ESYT2: variants seen among roughly 807,000 people sequenced by gnomAD.
ESYT2 encodes extended synaptotagmin 2.
A neutral mutation model predicts 107.2 loss-of-function variants in ESYT2; 54 were observed. The observed-to-expected ratio is 0.50, with a 90% confidence interval of 0.40 to 0.63. The LOEUF (loss-of-function observed/expected upper bound fraction) is 0.63, where lower values mean the gene tolerates loss of function less well. Among genes scored for constraint, ESYT2 ranks in the 30% least tolerant of loss-of-function variants. ESYT2 has a pLI of 0.00. For missense variants in ESYT2, 1,020 were observed against 1,094.5 expected, an observed-to-expected ratio of 0.93 and a Z score of 0.96; for synonymous variants, 491 against 434.1, an observed-to-expected ratio of 1.13 and a Z score of -1.63.
At chr7:158,739,179 C>A (rs1354125971) in intron 18 of ESYT2, 58 bp from the exon 19 acceptor site, 3 of 1,412,260 alleles carry the variant, frequency 2.1e-6, no homozygotes, top group Non-Finnish European at 3.0e-6. Flanking sequence ...CGTTGTGATT[C>A]ATTGGTCCAC....
chr7:158,737,310 T>C (rs940820207), intron 19 of ESYT2, 131 bp from the exon 20 acceptor site: 20 of 1,225,450 alleles, frequency 1.6e-5, no homozygotes, highest in Non-Finnish European at 2.2e-5. Flanking sequence ...AGGAACAGAA[T>C]GCGTGAGGCG....
chr7:158,732,911 C>T lies in ESYT2; in HGVS notation c.*1296G>A, dbSNP rs1836795054. 1 of 152,256 alleles carries T rather than the reference C, an allele frequency of 6.6e-6. No individual in the cohort carries two copies. Among genetic ancestry groups the T allele is most frequent in the South Asian group, 2.1e-4 (1 of 4,836 alleles). The allele number at this position is 152,256 out of a possible 1,614,324, so 9.4% of individuals were successfully genotyped here. On this transcript the variant is annotated 3_prime_UTR_variant, in exon 23 of 23. Transcript: ENST00000275418. ...TGTGCATTCTTTCTTTACAGACACACACAGCCTACGACACTGCAACAGAGC... is the reference window on the plus strand; with the variant it reads ...TGTGCATTCTTTCTTTACAGACACATACAGCCTACGACACTGCAACAGAGC...
At chr7:158,771,635 G>A (rs1563641485) in intron 7 of ESYT2, among the ~76,000 whole-genome samples, 1 of 152,178 alleles carries the variant, frequency 6.6e-6, no homozygotes, top group Non-Finnish European at 1.5e-5. Context: ...GCATGGGTGG[G>A]GAGCTGGCGA....
At chr7:158,820,808 A>T (rs1325532501) in intron 1 of ESYT2, among the ~76,000 whole-genome samples, 1 of 152,196 alleles carries the variant, frequency 6.6e-6, no homozygotes, top group African/African-American at 2.4e-5. Flanking sequence ...AATAAAAATA[A>T]TTGAAAAAAA....
Position 158,829,342 on chromosome 7 carries a change from C to T in ESYT2, c.77G>A (p.Gly26Glu). 2.1e-6 allele frequency: 3 copies of T among 1,441,076 alleles called. No homozygotes were observed. The highest frequency in any genetic ancestry group is 2.7e-6 in the Non-Finnish European group (3 of 1,103,270). The allele number at this position is 1,441,076 out of a possible 1,614,324, so 89.3% of individuals were successfully genotyped here. A position where few individuals can be genotyped will look rare whatever the true frequency, so the allele number is the denominator to read the frequency against. Residue 26 changes from glycine to glutamate, a missense_variant, in exon 1 of 23, where the codon GGG becomes GAG. Transcript: ENST00000275418. Reference protein sequence around the residue: ...AGGRAAPENPGGVLSVELPGL... With the variant: ...AGGRAAPENPEGVLSVELPGL... ...GGGCAGCTCCACGCTCAGCACGCCC[C>T]CGGGGTTCTCAGGCGCCGCGCGGCC...
At chr7:158,738,329 ACACACACACACACAGACAC>A (rs1837049348) in intron 19 of ESYT2, among the ~76,000 whole-genome samples, 1 of 84,778 alleles carries the variant, frequency 1.2e-5, no homozygotes, top group African/African-American at 4.8e-5. Flanking sequence ...AAAAAAAAAT[ACACACACACACACAGACAC>A]ACACACACAC....
chr7:158,739,965 TG>T (rs1245676106), intron 18 of ESYT2, among the ~76,000 whole-genome samples: 1 of 152,188 alleles, frequency 6.6e-6, no homozygotes, highest in Non-Finnish European at 1.5e-5. Context: ...CAGAATAAAC[TG>T]GGTTCTACCT....
chr7:158,769,126 C>G (rs1838267118), intron 7 of ESYT2, among the ~76,000 whole-genome samples: 1 of 152,154 alleles, frequency 6.6e-6, no homozygotes. Context: ...AAATAATGCC[C>G]AACCACCCAC....
At position 158,739,073 on chromosome 7, in the gene ESYT2, G is replaced by T. The variant is rs527990946; in HGVS notation, c.2217C>A (p.Ile739=). The T allele has an allele frequency of 1.5e-5, 24 of 1,614,158 alleles. No homozygotes were observed. The African/African-American group carries it at 2.9e-4, about 20-fold the overall frequency. Residue 739 remains isoleucine, a synonymous_variant, in exon 19 of 23, where the codon ATC becomes ATA. Transcript: ENST00000275418. ...QSPLGQIQLT[I]RHSSQRNKLI... is the part of the protein sequence containing the mutation. The stretch of plus-strand genomic sequence containing the variant: ...GCTTGTTTCTCTGCGAGCTGTGCCG[G>T]ATGGTCAGCTGGATCTGCCCCAGTG...
intron 7 of ESYT2, among the ~76,000 whole-genome samples, chr7:158,771,398 G>GCCCCCATT (rs1372418176): frequency 6.6e-6 from 1 of 152,236 alleles, no homozygotes; most frequent in African/African-American, 2.4e-5. Context: ...TTTGGGGGAT[G>GCCCCCATT]CCCCCATTCA....
intron 4 of ESYT2, among the ~76,000 whole-genome samples, chr7:158,791,849 G>C (rs1839302856): frequency 6.6e-6 from 1 of 152,192 alleles, no homozygotes; most frequent in African/African-American, 2.4e-5. Context: ...TGATTATAGG[G>C]ACTGCATTAA....
chr7:158,784,040 C>G (rs1223597595), intron 6 of ESYT2, among the ~76,000 whole-genome samples: 1 of 152,084 alleles, frequency 6.6e-6, no homozygotes, highest in Non-Finnish European at 1.5e-5. Context: ...AAAAGACCCG[C>G]CAAAGACACA....
intron 6 of ESYT2, among the ~76,000 whole-genome samples, chr7:158,776,876 A>G (rs1838584766): frequency 6.7e-6 from 1 of 149,754 alleles, no homozygotes; most frequent in Non-Finnish European, 1.5e-5. Flanking sequence ...TTTTTGAGAC[A>G]GAGTCTTGCT....
intron 6 of ESYT2, among the ~76,000 whole-genome samples, chr7:158,781,785 G>A (rs1418476657): frequency 1.3e-5 from 2 of 152,012 alleles, no homozygotes; most frequent in African/African-American, 2.4e-5. Context: ...GAGAACAAGT[G>A]TGAACGAGTG....
At position 158,731,536 on chromosome 7, in the gene ESYT2, A is replaced by C. The variant is rs1836752848; in HGVS notation, c.*2671T>G. 1 of 152,410 alleles carries C rather than the reference A, an allele frequency of 6.6e-6. No individual in the cohort carries two copies. The highest frequency in any genetic ancestry group is 2.4e-5 in the African/African-American group (1 of 41,408). The allele number at this position is 152,410 out of a possible 1,614,324, so 9.4% of individuals were successfully genotyped here. ...TGGCCAGGCTGGTCTTGAACTCCTG[A>C]CCTCAGGTCATCCGCCCGCCTCGGC... On this transcript the variant is annotated 3_prime_UTR_variant, in exon 23 of 23. Coordinates refer to ENST00000275418, the MANE Select transcript of ESYT2 (RefSeq NM_001367773.1).
chr7:158,796,160 A>G (rs1839451676), intron 3 of ESYT2, among the ~76,000 whole-genome samples: 1 of 152,158 alleles, frequency 6.6e-6, no homozygotes, highest in Non-Finnish European at 1.5e-5. Flanking sequence ...GTGTGCAACA[A>G]CGTGTGCAGA....
intron 2 of ESYT2, among the ~76,000 whole-genome samples, chr7:158,798,498 T>A (rs1839536603): frequency 6.6e-6 from 1 of 151,554 alleles, no homozygotes; most frequent in South Asian, 2.1e-4. Context: ...AATACAAAAT[T>A]AGCCAGGCGT....
chr7:158,777,456 A>G lies in ESYT2; in HGVS notation c.748-4060T>C, dbSNP rs77727966. Among the ~76,000 whole-genome samples, 809 of 152,284 alleles carry G rather than the reference A, an allele frequency of 5.3e-3. 46 individuals are homozygous for G. In the East Asian group the frequency reaches 0.12, roughly 22 times the overall value. ...GGTAGGAGGTGATTGGCGTGGGCACAGTTTCTCCCACACTATTCTCATGAT... is the reference window on the plus strand; with the variant it reads ...GGTAGGAGGTGATTGGCGTGGGCACGGTTTCTCCCACACTATTCTCATGAT... On this transcript the variant is annotated intron_variant, in intron 6 of 22. Coordinates refer to ENST00000275418, the MANE Select transcript of ESYT2 (RefSeq NM_001367773.1).
intron 4 of ESYT2, among the ~76,000 whole-genome samples, chr7:158,791,449 G>A (rs1031610041): frequency 2.0e-5 from 3 of 152,180 alleles, no homozygotes; most frequent in East Asian, 1.9e-4. Flanking sequence ...ACACAGAGGC[G>A]GGATTTCTGG....
Sources: gnomAD v4.1 joint callset for allele counts (sites outside exome capture counted in the v4.1 genomes callset) on GRCh38, gnomAD v4.1.1 for gene constraint, MANE v1.5 for transcripts, NCBI Gene and HGNC (gene_info 2026-07-23, HGNC 2026-07-21) for gene names.